Variants in RYR2 observed in about 807,000 individuals in gnomAD.
The protein encoded by RYR2 is ryanodine receptor 2.
In RYR2, 227 loss-of-function variants were observed where a neutral mutation model predicts 601.1. The observed-to-expected ratio is 0.38, with a 90% confidence interval of 0.34 to 0.42. The LOEUF (loss-of-function observed/expected upper bound fraction) is 0.42. RYR2 is among the 10% of genes least tolerant of loss of function. The probability of loss-of-function intolerance (pLI) is 1.00; values close to 1 mark genes in which losing one functional copy is unlikely to be tolerated. For missense variants in RYR2, 4,646 were observed against 6,156.5 expected, an observed-to-expected ratio of 0.75 and a Z score of 8.21; for synonymous variants, 2,223 against 2,175.1, an observed-to-expected ratio of 1.02 and a Z score of -0.61.
intron 99 of RYR2, 145 bp from the exon 100 acceptor site, chr1:237,808,756 A>G: frequency 1.6e-6 from 1 of 621,690 alleles, no homozygotes. Context: ...GGGCTAAGAA[A>G]GGTGAGAAAT....
intron 35 of RYR2, among the ~76,000 whole-genome samples, chr1:237,608,010 A>G (rs1367283223): frequency 6.6e-6 from 1 of 152,236 alleles, no homozygotes; most frequent in East Asian, 1.9e-4. Context: ...ACGTATGCAT[A>G]CCTATATACA....
chr1:237,779,647 A>G (rs943930468), intron 88 of RYR2, among the ~76,000 whole-genome samples: 1 of 152,218 alleles, frequency 6.6e-6, no homozygotes, highest in Admixed American at 6.5e-5. Context: ...AATATGCAGG[A>G]TATATTGTCA....
Position 237,416,759 on chromosome 1 carries a change from C to G in RYR2, c.774-290C>G, listed in dbSNP as rs112595415. Among the ~76,000 whole-genome samples, 14,810 of 138,856 alleles carry G rather than the reference C, an allele frequency of 0.11. 1,469 individuals are homozygous for G. Among genetic ancestry groups the G allele is most frequent in the African/African-American group, 0.29 (10,388 of 35,782 alleles). The allele number at this position is 138,856 out of a possible 152,430, so 91.1% of individuals were successfully genotyped here. A position where few individuals can be genotyped will look rare whatever the true frequency, so the allele number is the denominator to read the frequency against. On this transcript the variant is annotated intron_variant, in intron 10 of 104. Transcript: ENST00000366574. The stretch of plus-strand genomic sequence containing the variant: ...GGAGGGATGGGAAGAAACACACACA[C>G]ACACAGAGAGAGAGAGAGAGAGAGA...
intron 1 of RYR2, among the ~76,000 whole-genome samples, chr1:237,048,618 G>C (rs1356860320): frequency 6.6e-6 from 1 of 152,038 alleles, no homozygotes; most frequent in Admixed American, 6.6e-5. Flanking sequence ...AGTTTTCTTG[G>C]ATCACTCTAA....
At chr1:237,071,908 T>C (rs112373746) in intron 1 of RYR2, among the ~76,000 whole-genome samples, 4,574 of 152,344 alleles carry the variant, frequency 0.03, 234 homozygotes, top group African/African-American at 0.1. Context: ...GTGTTATCGC[T>C]GCCTTGAGCG....
At chr1:237,431,785 G>C (rs1199816161) in intron 12 of RYR2, among the ~76,000 whole-genome samples, 1 of 152,124 alleles carries the variant, frequency 6.6e-6, no homozygotes, top group Admixed American at 6.6e-5. Flanking sequence ...TGCAGTGCCT[G>C]ACACTTAGTG....
intron 1 of RYR2, among the ~76,000 whole-genome samples, chr1:237,172,772 T>C (rs766934246): frequency 6.6e-6 from 1 of 152,174 alleles, no homozygotes; most frequent in Non-Finnish European, 1.5e-5. Context: ...AATGTGACTG[T>C]GGGGCCCCAG....
intron 1 of RYR2, among the ~76,000 whole-genome samples, chr1:237,248,145 T>A (rs185460105): frequency 2.0e-5 from 3 of 151,804 alleles, no homozygotes; most frequent in South Asian, 2.1e-4. Flanking sequence ...GGTGGTGCAC[T>A]CCTGTAATCC....
At chr1:237,370,402 G>GA (rs1363802658) in intron 6 of RYR2, among the ~76,000 whole-genome samples, 2 of 151,694 alleles carry the variant, frequency 1.3e-5, no homozygotes, top group Admixed American at 1.3e-4. Context: ...GTAAGCTAGA[G>GA]AAAAAATATT....
intron 3 of RYR2, among the ~76,000 whole-genome samples, chr1:237,343,982 G>T (rs1698067926): frequency 6.6e-6 from 1 of 151,978 alleles, no homozygotes; most frequent in Non-Finnish European, 1.5e-5. Context: ...CACCACGCCT[G>T]GCTAATTTTT....
chr1:237,249,473 A>G (rs1687238810), intron 1 of RYR2, among the ~76,000 whole-genome samples: 1 of 152,244 alleles, frequency 6.6e-6, no homozygotes, highest in Non-Finnish European at 1.5e-5. Flanking sequence ...TTCATAGTTT[A>G]CAAAGGGCTT....
chr1:237,449,310 G>A (rs923116530), intron 14 of RYR2, among the ~76,000 whole-genome samples: 2 of 151,972 alleles, frequency 1.3e-5, no homozygotes, highest in Non-Finnish European at 2.9e-5. Context: ...TATTTTAGTG[G>A]TTACTTACGG....
chr1:237,171,655 G>A (rs1406177759), intron 1 of RYR2, among the ~76,000 whole-genome samples: 1 of 152,140 alleles, frequency 6.6e-6, no homozygotes, highest in Non-Finnish European at 1.5e-5. Context: ...AAAAATCTCT[G>A]AGACTCCTCT....
chr1:237,109,261 A>C (rs1669142192), intron 1 of RYR2, among the ~76,000 whole-genome samples: 1 of 151,978 alleles, frequency 6.6e-6, no homozygotes, highest in Non-Finnish European at 1.5e-5. Flanking sequence ...GTTGCAAAGA[A>C]AAATGTACAG....
intron 29 of RYR2, among the ~76,000 whole-genome samples, chr1:237,572,435 G>C (rs1378983670): frequency 6.6e-6 from 1 of 152,104 alleles, no homozygotes; most frequent in Non-Finnish European, 1.5e-5. Context: ...AAATGTTCAT[G>C]GTACCACACA....
intron 2 of RYR2, among the ~76,000 whole-genome samples, chr1:237,279,104 T>C (rs1285822538): frequency 1.3e-5 from 2 of 152,188 alleles, no homozygotes; most frequent in Non-Finnish European, 2.9e-5. Context: ...CTGAAATGGA[T>C]CAGACTAGTT....
At chr1:237,744,382 G>A (rs1691882754) in intron 80 of RYR2, among the ~76,000 whole-genome samples, 1 of 151,524 alleles carries the variant, frequency 6.6e-6, no homozygotes, top group South Asian at 2.1e-4. Flanking sequence ...GTGGCCAGGT[G>A]CAGAGGCTTA....
chr1:237,186,679 T>A (rs1679372832), intron 1 of RYR2, among the ~76,000 whole-genome samples: 3 of 152,190 alleles, frequency 2.0e-5, no homozygotes. Context: ...CCCATCACTG[T>A]GCCGAAAAGC....
At chr1:237,780,399 T>TACC (rs1194208608) in intron 88 of RYR2, among the ~76,000 whole-genome samples, 1 of 152,230 alleles carries the variant, frequency 6.6e-6, no homozygotes, top group South Asian at 2.1e-4. Context: ...CATCTGGTGC[T>TACC]ACCTAGCACT....
Sources: gnomAD v4.1 joint callset for allele counts (sites outside exome capture counted in the v4.1 genomes callset) on GRCh38, gnomAD v4.1.1 for gene constraint, MANE v1.5 for transcripts, NCBI Gene and HGNC (gene_info 2026-07-23, HGNC 2026-07-21) for gene names.